RBFOX1: variants seen among roughly 807,000 people sequenced by gnomAD.
RBFOX1 encodes RNA binding fox-1 homolog 1.
In RBFOX1, 8 loss-of-function variants were observed where a neutral mutation model predicts 57.7. That is an observed-to-expected ratio of 0.14 (90% CI 0.08 to 0.25). The LOEUF (loss-of-function observed/expected upper bound fraction) is 0.25, where lower values mean the gene tolerates loss of function less well. Ranked by LOEUF, RBFOX1 falls within the 10% of genes least tolerant of loss-of-function variation. The probability of loss-of-function intolerance (pLI) is 1.00; values close to 1 mark genes in which losing one functional copy is unlikely to be tolerated. For missense variants in RBFOX1, 611 were observed against 548.5 expected (o/e 1.11, Z -1.14); for synonymous variants, 326 against 222.4 (o/e 1.47, Z -4.15).
intron 3 of RBFOX1, among the ~76,000 whole-genome samples, chr16:5,653,119 G>A (rs1304474702): frequency 6.6e-6 from 1 of 152,026 alleles, no homozygotes; most frequent in African/African-American, 2.4e-5. Context: ...TGTGGAAGGT[G>A]GGGTGCTGAG....
chr16:5,310,952 G>A (rs1016584069), intron 1 of RBFOX1, among the ~76,000 whole-genome samples: 1 of 152,158 alleles, frequency 6.6e-6, no homozygotes, highest in Non-Finnish European at 1.5e-5. Flanking sequence ...CCTGAGTAGT[G>A]TACAGTGTAC....
At chr16:5,957,729 T>C (rs2059673712) in intron 4 of RBFOX1, among the ~76,000 whole-genome samples, 1 of 152,180 alleles carries the variant, frequency 6.6e-6, no homozygotes, top group Non-Finnish European at 1.5e-5. Context: ...CATGAGATGT[T>C]TTGATACACG....
intron 4 of RBFOX1, among the ~76,000 whole-genome samples, chr16:7,175,064 G>C (rs967413585): frequency 5.3e-5 from 8 of 150,898 alleles, no homozygotes; most frequent in African/African-American, 1.7e-4. Flanking sequence ...TTTAATTCTG[G>C]GGTACATGTG....
intron 3 of RBFOX1, among the ~76,000 whole-genome samples, chr16:5,729,861 T>C (rs2052297405): frequency 6.6e-6 from 1 of 152,202 alleles, no homozygotes; most frequent in South Asian, 2.1e-4. Context: ...TTGGCTATTT[T>C]GAGGGAGGCA....
intron 3 of RBFOX1, among the ~76,000 whole-genome samples, chr16:6,802,167 G>C (rs1056422187): frequency 6.6e-6 from 1 of 150,856 alleles, no homozygotes; most frequent in Non-Finnish European, 1.5e-5. Context: ...GCACAATTCT[G>C]GGTGGGCTTT....
chr16:6,481,371 C>T (rs1240649035), intron 2 of RBFOX1, among the ~76,000 whole-genome samples: 2 of 152,202 alleles, frequency 1.3e-5, no homozygotes, highest in East Asian at 3.9e-4. Flanking sequence ...CCAGGTCTGG[C>T]AACATCTGCC....
At chr16:5,973,158 C>T (rs1343606550) in intron 4 of RBFOX1, among the ~76,000 whole-genome samples, 1 of 152,096 alleles carries the variant, frequency 6.6e-6, no homozygotes, top group Non-Finnish European at 1.5e-5. Flanking sequence ...AATGTGATAT[C>T]TATATTTAGG....
chr16:7,709,639 TAG>T (rs1568615002), intron 15 of RBFOX1: 1 of 1,528,628 alleles, frequency 6.5e-7, no homozygotes, highest in Non-Finnish European at 8.8e-7. Context: ...GGAAAGAAAA[TAG>T]AGAGGGGCAC....
At chr16:7,443,966 C>T (rs950462296) in intron 4 of RBFOX1, among the ~76,000 whole-genome samples, 1 of 152,166 alleles carries the variant, frequency 6.6e-6, no homozygotes, top group African/African-American at 2.4e-5. Flanking sequence ...CAAAGCTGTA[C>T]ATATTTATCT....
intron 14 of RBFOX1, among the ~76,000 whole-genome samples, chr16:7,680,339 T>C (rs1250216127): frequency 6.6e-6 from 1 of 152,182 alleles, no homozygotes; most frequent in Non-Finnish European, 1.5e-5. Context: ...AAATGTGATG[T>C]GTACATGGCT....
intron 4 of RBFOX1, among the ~76,000 whole-genome samples, chr16:7,267,615 G>C (rs1164968071): frequency 6.6e-6 from 1 of 151,720 alleles, no homozygotes; most frequent in Non-Finnish European, 1.5e-5. Flanking sequence ...AGTACTTTGG[G>C]AGGCTGAGGT....
chr16:6,376,164 C>G (rs981658773), intron 2 of RBFOX1, among the ~76,000 whole-genome samples: 1 of 152,162 alleles, frequency 6.6e-6, no homozygotes, highest in Non-Finnish European at 1.5e-5. Flanking sequence ...ATCTGTGATT[C>G]TTTGACTGTT....
chr16:6,665,725 T>C (rs1399597128), intron 3 of RBFOX1, among the ~76,000 whole-genome samples: 1 of 151,944 alleles, frequency 6.6e-6, no homozygotes, highest in East Asian at 1.9e-4. Context: ...TAATAGCAAC[T>C]ACCTTGCATT....
intron 3 of RBFOX1, among the ~76,000 whole-genome samples, chr16:7,022,168 A>G (rs1327332623): frequency 6.7e-6 from 1 of 148,198 alleles, no homozygotes; most frequent in African/African-American, 2.5e-5. Context: ...GTTATAAATG[A>G]TCCTCCCACC....
intron 3 of RBFOX1, among the ~76,000 whole-genome samples, chr16:6,834,477 G>C (rs569496415): frequency 6.6e-6 from 1 of 150,880 alleles, no homozygotes; most frequent in Non-Finnish European, 1.5e-5. Context: ...GCCTGGTACA[G>C]AGAAAGTACT....
At position 7,263,957 on chromosome 16, in the gene RBFOX1, T is replaced by C. The variant is rs546732315; in HGVS notation, c.27+211859T>C. On this transcript the variant is annotated intron_variant, in intron 4 of 15. Coordinates refer to ENST00000550418, the MANE Select transcript of RBFOX1 (RefSeq NM_018723.4). ...AAAAACAAGTAGAAGGAAGGAGTGATACAACTGAAAGGAGAAACAAAACAC... is the reference window on the plus strand; with the variant it reads ...AAAAACAAGTAGAAGGAAGGAGTGACACAACTGAAAGGAGAAACAAAACAC... Among the ~76,000 whole-genome samples the C allele has an allele frequency of 1.5e-4, 21 of 144,796 alleles. No individual in the cohort carries two copies. The South Asian group carries it at 3.9e-3, about 27-fold the overall frequency. 95.0% of individuals were successfully genotyped at this position (144,796 alleles called of 152,430 possible).
intron 4 of RBFOX1, among the ~76,000 whole-genome samples, chr16:5,873,120 C>G (rs912757276): frequency 1.3e-4 from 20 of 152,076 alleles, no homozygotes; most frequent in African/African-American, 4.3e-4. Context: ...ACTGCATAGT[C>G]CAGCCTAGCA....
chr16:6,197,590 A>G (rs936248330), intron 1 of RBFOX1, among the ~76,000 whole-genome samples: 3 of 151,954 alleles, frequency 2.0e-5, no homozygotes, highest in Non-Finnish European at 4.4e-5. Context: ...GATAATAGGA[A>G]CAGTAGAGGA....
chr16:5,312,330 C>CT (rs1180803416), intron 1 of RBFOX1, among the ~76,000 whole-genome samples: 2 of 152,044 alleles, frequency 1.3e-5, no homozygotes, highest in African/African-American at 2.4e-5. Flanking sequence ...TTTTTCTTTT[C>CT]TTTTTTGAGA....
Sources: allele counts gnomAD v4.1 joint callset (sites outside exome capture counted in the v4.1 genomes callset), GRCh38; gene constraint gnomAD v4.1.1; transcripts MANE v1.5; gene names NCBI Gene and HGNC (gene_info 2026-07-23, HGNC 2026-07-21).